Variants in KCNJ6 observed in about 807,000 individuals in gnomAD.
The protein encoded by KCNJ6 is potassium inwardly rectifying channel subfamily J member 6, also known as G protein-activated inward rectifier potassium channel 2.
Under a neutral mutation model 34.2 loss-of-function variants are expected in KCNJ6, and 9 were observed. The ratio of observed to expected loss-of-function variants is 0.26; its 90% CI spans 0.16 to 0.46. The LOEUF (loss-of-function observed/expected upper bound fraction) is 0.46, where lower values mean the gene tolerates loss of function less well. Among genes scored for constraint, KCNJ6 ranks in the 20% least tolerant of loss-of-function variants. The pLI is 1.00. For missense variants in KCNJ6, 236 were observed against 531.3 expected (o/e 0.44, Z 5.46); for synonymous variants, 196 against 207.1 (o/e 0.95, Z 0.46).
intron 2 of KCNJ6, among the ~76,000 whole-genome samples, chr21:37,796,844 A>C (rs1303236066): frequency 3.3e-5 from 4 of 120,508 alleles, no homozygotes; most frequent in African/African-American, 1.3e-4. Context: ...CGGACTGCGG[A>C]CTGCAGTGGC....
At chr21:37,878,094 A>G (rs2055688030) in intron 1 of KCNJ6, among the ~76,000 whole-genome samples, 2 of 152,232 alleles carry the variant, frequency 1.3e-5, no homozygotes, top group Non-Finnish European at 2.9e-5. Flanking sequence ...TCCTCTATCA[A>G]TCTGCACGGT....
At position 37,885,231 on chromosome 21, in the gene KCNJ6, T is replaced by C. The variant is rs533135389; in HGVS notation, c.-28+30653A>G. Among the ~76,000 whole-genome samples the C allele has an allele frequency of 2.7e-4, 41 of 152,204 alleles. No homozygotes were observed. In the South Asian group the frequency reaches 6.0e-3, roughly 22 times the overall value. On this transcript the variant is annotated intron_variant, in intron 1 of 3. Transcript: ENST00000609713. ...ACATAGCAGGGCTCATGGGGTCCTC[T>C]TGGGGGAGGTACAGTGGTGGGGAGC...
chr21:37,660,673 G>C (rs535660575), intron 3 of KCNJ6, among the ~76,000 whole-genome samples: 1 of 152,322 alleles, frequency 6.6e-6, no homozygotes, highest in African/African-American at 2.4e-5. Flanking sequence ...ATGGGGAGAA[G>C]GCGTGCTGGG....
In KCNJ6 at chr21:37,840,665, T is replaced by G; in HGVS notation, c.18A>C (p.Glu6Asp). ...AAATTTGAAGCTACTCACTCATGGA[T>G]TCTGTCAGCTTGGCCATTGTTGCAG... MAKLT[E>D]SMTNVLEGDS... Residue 6 changes from glutamate to aspartate, a missense_variant, in exon 2 of 4, where the codon GAA (glutamate) becomes GAC (aspartate). By Grantham distance (45) the Glu-to-Asp change is conservative. Transcript: ENST00000609713. 1 of 1,604,108 alleles carries G rather than the reference T, an allele frequency of 6.2e-7. No homozygotes were observed. Among genetic ancestry groups the G allele is most frequent in the Non-Finnish European group, 8.5e-7 (1 of 1,172,914 alleles).
At chr21:37,827,123 T>C (rs929622860) in intron 2 of KCNJ6, among the ~76,000 whole-genome samples, 4 of 152,264 alleles carry the variant, frequency 2.6e-5, no homozygotes, top group African/African-American at 9.6e-5. Context: ...AAGAAAAATA[T>C]CCCTAGCAAC....
In KCNJ6 at chr21:37,906,067, AAATGAGACTATT is replaced by A. The variant is rs534402037; in HGVS notation, c.-28+9805_-28+9816del. 1.3e-3 allele frequency among the ~76,000 whole-genome samples: 197 copies of A among 152,396 alleles called. 3 individuals carry two copies. The highest frequency in any genetic ancestry group is 4.5e-3 in the African/African-American group (188 of 41,600). ...TAGCATCTTTTATTTAAAGGATAAT[AAATGAGACTATT>A]AATTTTGAAAAGAACAAATAAACTT... On this transcript the variant is annotated intron_variant, in intron 1 of 3. Coordinates refer to ENST00000609713, the MANE Select transcript of KCNJ6 (RefSeq NM_002240.5).
intron 2 of KCNJ6, among the ~76,000 whole-genome samples, chr21:37,816,169 C>T (rs1294440910): frequency 1.3e-5 from 2 of 152,194 alleles, no homozygotes; most frequent in African/African-American, 2.4e-5. Flanking sequence ...GAGTCCAATG[C>T]CTGCCGCCTT....
intron 2 of KCNJ6, among the ~76,000 whole-genome samples, chr21:37,782,410 C>T (rs2055173762): frequency 6.6e-6 from 1 of 152,168 alleles, no homozygotes; most frequent in Admixed American, 6.5e-5. Context: ...ACACATAACA[C>T]ACCCCCCTCC....
Position 37,695,747 on chromosome 21 carries a change from G to A in KCNJ6, c.946+18464C>T, listed in dbSNP as rs190128278. On this transcript the variant is annotated intron_variant, in intron 3 of 3. Transcript: ENST00000609713. This position sits in a 1 kb window ranked among gnomAD's most constrained non-coding sequence, Gnocchi z 4.2. Reference sequence around the variant, plus strand: ...AGGGACCTGGTATGAATATCTTCTCGGTACACCAAGTGCCTATGTCTTGGC... The same window carrying A: ...AGGGACCTGGTATGAATATCTTCTCAGTACACCAAGTGCCTATGTCTTGGC... Among the ~76,000 whole-genome samples, 5 of 152,086 alleles carry A rather than the reference G, an allele frequency of 3.3e-5. No homozygotes were observed. Among genetic ancestry groups the A allele is most frequent in the African/African-American group, 4.8e-5 (2 of 41,402 alleles).
At chr21:37,914,613 C>G (rs1296662231) in intron 1 of KCNJ6, among the ~76,000 whole-genome samples, 1 of 152,256 alleles carries the variant, frequency 6.6e-6, no homozygotes, top group African/African-American at 2.4e-5. Context: ...GTCTCCCCTC[C>G]CACCTGGGTC....
In KCNJ6 at chr21:37,675,456, C is replaced by T. The variant is rs1316244494; in HGVS notation, c.946+38755G>A. Among the ~76,000 whole-genome samples the T allele has an allele frequency of 7.0e-6, 1 of 143,548 alleles. No individual in the cohort carries two copies. 94.2% of individuals were successfully genotyped at this position (143,548 alleles called of 152,430 possible). On this transcript the variant is annotated intron_variant, in intron 3 of 3. Transcript: ENST00000609713. The surrounding 1 kb of genome is among the most constrained non-coding windows in gnomAD (Gnocchi z 4.2). ...GCAGGTACGGTGCGGGTTTCTGGTGCGCTGACCGCGCTGGGGATGAGCACC... is the reference window on the plus strand; with the variant it reads ...GCAGGTACGGTGCGGGTTTCTGGTGTGCTGACCGCGCTGGGGATGAGCACC...
chr21:37,727,601 G>T (rs1201183668), intron 2 of KCNJ6, among the ~76,000 whole-genome samples: 1 of 152,218 alleles, frequency 6.6e-6, no homozygotes, highest in East Asian at 1.9e-4. Flanking sequence ...GGAAGAGGGA[G>T]AGCCGGTTAT....
In KCNJ6 at chr21:37,797,020, C is replaced by T. The variant is rs188928214; in HGVS notation, c.25+43638G>A. Among the ~76,000 whole-genome samples, 159 of 151,822 alleles carry T rather than the reference C, an allele frequency of 1.0e-3. 3 individuals are homozygous for T. In the East Asian group the frequency reaches 0.017, roughly 16 times the overall value. ...TTGTTAGCCAGGATGGTCTCGATCT[C>T]CTGACCTCATGATCCACCCGCCTCG... On this transcript the variant is annotated intron_variant, in intron 2 of 3. Coordinates refer to ENST00000609713, the MANE Select transcript of KCNJ6 (RefSeq NM_002240.5).
chr21:37,914,135 A>G (rs1313193226), intron 1 of KCNJ6, among the ~76,000 whole-genome samples: 1 of 151,632 alleles, frequency 6.6e-6, no homozygotes, highest in Non-Finnish European at 1.5e-5. Context: ...TCCCTGTCCC[A>G]GTGTTCTTGA....
intron 1 of KCNJ6, among the ~76,000 whole-genome samples, chr21:37,857,390 T>G (rs1294715791): frequency 6.6e-6 from 1 of 152,220 alleles, no homozygotes; most frequent in African/African-American, 2.4e-5. Context: ...AAGATGAAGA[T>G]GTGGTACTGG....
chr21:37,696,473 A>C (rs1341862534), intron 3 of KCNJ6, among the ~76,000 whole-genome samples: 1 of 152,248 alleles, frequency 6.6e-6, no homozygotes, highest in Admixed American at 6.5e-5. Context: ...AAGTTGAGGC[A>C]CATGCTACAA....
At chr21:37,747,455 A>G (rs2054973111) in intron 2 of KCNJ6, among the ~76,000 whole-genome samples, 2 of 152,244 alleles carry the variant, frequency 1.3e-5, no homozygotes, top group Admixed American at 1.3e-4. Flanking sequence ...GACCTGCAGA[A>G]GTGAGCTGGG....
Position 37,703,207 on chromosome 21 carries a change from GGAAA to G in KCNJ6, c.946+11000_946+11003del, listed in dbSNP as rs2054700820. Among the ~76,000 whole-genome samples, 8 of 152,268 alleles carry G rather than the reference GGAAA, an allele frequency of 5.3e-5. No individual in the cohort carries two copies. The South Asian group carries it at 1.7e-3, about 32-fold the overall frequency. ...ACTATTAGGAAAAATTGGTGATGGA[GGAAA>G]GAAAGAGGATGGTTGTAGTCCAAAA... On this transcript the variant is annotated intron_variant, in intron 3 of 3. Coordinates refer to ENST00000609713, the MANE Select transcript of KCNJ6 (RefSeq NM_002240.5).
chr21:37,868,350 CTTT>C (rs970640198), intron 1 of KCNJ6, among the ~76,000 whole-genome samples: 10 of 152,148 alleles, frequency 6.6e-5, no homozygotes, highest in Non-Finnish European at 1.5e-4. Flanking sequence ...TCCAGAAAGC[CTTT>C]TTAAGGAAAA....
Sources: allele counts gnomAD v4.1 joint callset (sites outside exome capture counted in the v4.1 genomes callset), GRCh38; gene constraint gnomAD v4.1.1; non-coding constraint Gnocchi (gnomAD v3.1); transcripts MANE v1.5; gene names NCBI Gene and HGNC (gene_info 2026-07-23, HGNC 2026-07-21).